CTNND2: variants seen among roughly 807,000 people sequenced by gnomAD.
CTNND2 encodes catenin delta 2, also known as catenin delta-2.
Under a neutral mutation model 144.4 loss-of-function variants are expected in CTNND2, and 22 were observed. The ratio of observed to expected loss-of-function variants is 0.15; its 90% confidence interval spans 0.11 to 0.22. CTNND2 has a LOEUF of 0.22. CTNND2 is among the 10% of genes least tolerant of loss of function. CTNND2 has a pLI of 1.00. For missense variants in CTNND2, 1,353 were observed against 1,618.8 expected (o/e 0.84, Z 2.82); for synonymous variants, 751 against 695.6 (o/e 1.08, Z -1.25).
intron 9 of CTNND2, among the ~76,000 whole-genome samples, chr5:11,277,996 T>C (rs979531773): frequency 4.6e-5 from 7 of 152,164 alleles, no homozygotes; most frequent in Non-Finnish European, 1.0e-4. Context: ...TACCGCACAG[T>C]AGTTACTTCT....
At chr5:11,702,755 G>C (rs1320338245) in intron 2 of CTNND2, among the ~76,000 whole-genome samples, 2 of 152,226 alleles carry the variant, frequency 1.3e-5, no homozygotes, top group Non-Finnish European at 2.9e-5. Context: ...GAGGTTGTTA[G>C]CATGCTTTAG....
chr5:11,709,951 C>T (rs1785928590), intron 2 of CTNND2, among the ~76,000 whole-genome samples: 5 of 151,988 alleles, frequency 3.3e-5, no homozygotes, highest in Admixed American at 3.3e-4. Flanking sequence ...TAGAAAAATG[C>T]CTTTGGTGTT....
chr5:11,612,312 G>A (rs1780370843), intron 2 of CTNND2, among the ~76,000 whole-genome samples: 3 of 152,132 alleles, frequency 2.0e-5, no homozygotes, highest in Admixed American at 1.3e-4. Flanking sequence ...TCTGACTTGG[G>A]AATTTTGTCT....
chr5:11,290,018 C>T (rs193186103), intron 9 of CTNND2, among the ~76,000 whole-genome samples: 1 of 152,280 alleles, frequency 6.6e-6, no homozygotes, highest in Admixed American at 6.5e-5. Context: ...GTTCCCTTTG[C>T]AACTACAAGG....
At chr5:11,583,188 A>C (rs544262175) in intron 2 of CTNND2, among the ~76,000 whole-genome samples, 42 of 152,208 alleles carry the variant, frequency 2.8e-4, no homozygotes, top group Non-Finnish European at 5.3e-4. Context: ...CATTTATAAC[A>C]GTTGCCCTGG....
chr5:11,017,931 T>A (rs1047134112), intron 18 of CTNND2, 43 bp downstream of exon 18: 5 of 1,486,532 alleles, frequency 3.4e-6, no homozygotes, highest in Non-Finnish European at 4.7e-6. Context: ...CAGGGTCCCG[T>A]GTTGAGTGTT....
intron 2 of CTNND2, among the ~76,000 whole-genome samples, chr5:11,577,652 G>C (rs76641133): frequency 0.014 from 2,148 of 152,240 alleles, 31 homozygotes; most frequent in Middle Eastern, 0.037. Context: ...CATCTTATTG[G>C]AGTTTAGGGG....
chr5:11,426,579 G>A (rs1284216783), intron 3 of CTNND2, among the ~76,000 whole-genome samples: 1 of 152,206 alleles, frequency 6.6e-6, no homozygotes, highest in Non-Finnish European at 1.5e-5. Flanking sequence ...CATTTGCAAT[G>A]CCCTGATGGA....
At chr5:11,015,552 GACAA>G (rs1170573846) in intron 18 of CTNND2, among the ~76,000 whole-genome samples, 1 of 152,118 alleles carries the variant, frequency 6.6e-6, no homozygotes, top group African/African-American at 2.4e-5. Context: ...GAAATAGACA[GACAA>G]TTATGCTTTT....
At chr5:11,559,290 G>A (rs1776493980) in intron 3 of CTNND2, among the ~76,000 whole-genome samples, 1 of 152,024 alleles carries the variant, frequency 6.6e-6, no homozygotes, top group Non-Finnish European at 1.5e-5. Flanking sequence ...GGGAATCAGA[G>A]ACGTTGACTT....
intron 1 of CTNND2, among the ~76,000 whole-genome samples, chr5:11,883,607 TC>T (rs1736296813): frequency 1.3e-5 from 2 of 152,244 alleles, no homozygotes; most frequent in Admixed American, 1.3e-4. Context: ...TGGTTCCAAG[TC>T]TTTGCTGTTG....
chr5:11,835,063 G>C (rs538461392), intron 1 of CTNND2, among the ~76,000 whole-genome samples: 2 of 152,310 alleles, frequency 1.3e-5, no homozygotes, highest in South Asian at 4.1e-4. Flanking sequence ...ACCTAAGCCT[G>C]GGAGGTGGAG....
At chr5:11,825,175 C>T (rs1048687314) in intron 1 of CTNND2, among the ~76,000 whole-genome samples, 1 of 152,038 alleles carries the variant, frequency 6.6e-6, no homozygotes, top group African/African-American at 2.4e-5. Context: ...TTGAAACTAT[C>T]ACATAGGAAC....
intron 16 of CTNND2, among the ~76,000 whole-genome samples, chr5:11,043,849 A>G (rs575750788): frequency 1.1e-4 from 17 of 152,364 alleles, no homozygotes; most frequent in African/African-American, 3.8e-4. Context: ...AAAAAGCAGG[A>G]AAATACTAGA....
chr5:11,824,158 T>TA (rs1167468540), intron 1 of CTNND2, among the ~76,000 whole-genome samples: 2 of 151,834 alleles, frequency 1.3e-5, no homozygotes, highest in South Asian at 2.1e-4. Context: ...ATTAAATGTT[T>TA]AAAAAATTAT....
chr5:11,578,875 G>A (rs552138903), intron 2 of CTNND2, among the ~76,000 whole-genome samples: 140 of 152,168 alleles, frequency 9.2e-4, no homozygotes, highest in African/African-American at 3.2e-3. Flanking sequence ...GCATGTCAAC[G>A]CTTTTGTTTC....
In CTNND2 at chr5:11,466,433, T is replaced by C. The variant is rs79989134; in HGVS notation, c.288-54364A>G. ...ACTAAGTTCCTTCTGATCCATTTTC[T>C]TTGAAAAAAATGAAAAATATACTAG... is the stretch of plus-strand genomic sequence containing the variant. On this transcript the variant is annotated intron_variant, in intron 3 of 21. Coordinates refer to ENST00000304623, the MANE Select transcript of CTNND2 (RefSeq NM_001332.4). 5.7e-3 allele frequency among the ~76,000 whole-genome samples: 862 copies of C among 152,230 alleles called. 4 individuals are homozygous for C. The highest frequency in any genetic ancestry group is 0.02 in the African/African-American group (835 of 41,524).
At chr5:11,431,725 G>T (rs1763304490) in intron 3 of CTNND2, among the ~76,000 whole-genome samples, 1 of 152,116 alleles carries the variant, frequency 6.6e-6, no homozygotes, top group Non-Finnish European at 1.5e-5. Flanking sequence ...TGCCCCTACA[G>T]TAAATTGCCT....
intron 1 of CTNND2, among the ~76,000 whole-genome samples, chr5:11,843,235 T>G (rs1285216666): frequency 1.3e-5 from 2 of 152,190 alleles, no homozygotes; most frequent in East Asian, 1.9e-4. Flanking sequence ...CACTGTCTCA[T>G]TAGTAGTTCC....
Sources: gnomAD v4.1 joint callset for allele counts (sites outside exome capture counted in the v4.1 genomes callset) on GRCh38, gnomAD v4.1.1 for gene constraint, MANE v1.5 for transcripts, NCBI Gene and HGNC (gene_info 2026-07-23, HGNC 2026-07-21) for gene names.